CRMP1: variants seen among roughly 807,000 people sequenced by gnomAD.
CRMP1 encodes collapsin response mediator protein 1.
CRMP1 carries 19 observed loss-of-function variants against 68.3 expected under a neutral mutation model. The observed-to-expected ratio is 0.28, with a 90% confidence interval of 0.19 to 0.41. CRMP1 has a LOEUF of 0.41. Ranked by LOEUF, CRMP1 falls within the 10% of genes least tolerant of loss-of-function variation. The pLI is 1.00. For missense variants in CRMP1, 791 were observed against 967.4 expected (o/e 0.82, Z 2.42); for synonymous variants, 439 against 399.6 (o/e 1.10, Z -1.18).
At chr4:5,856,363 C>A in intron 3 of CRMP1, 56 bp from the exon 4 acceptor site, 1 of 1,529,034 alleles carries the variant, frequency 6.5e-7, no homozygotes. Flanking sequence ...CCAATGGTAG[C>A]CACATCATTA....
At chr4:5,884,378 AAC>A (rs957504772) in intron 1 of CRMP1, among the ~76,000 whole-genome samples, 1 of 151,444 alleles carries the variant, frequency 6.6e-6, no homozygotes, top group African/African-American at 2.4e-5. Context: ...TGTTTAATCA[AAC>A]ACACACACAC....
In CRMP1 at chr4:5,889,246, C is replaced by G. The variant is rs531913530; in HGVS notation, c.381+3343G>C. Among the ~76,000 whole-genome samples, 1 of 152,306 alleles carries G rather than the reference C, an allele frequency of 6.6e-6. No homozygotes were observed. Among genetic ancestry groups the G allele is most frequent in the East Asian group, 1.9e-4 (1 of 5,174 alleles). On this transcript the variant is annotated intron_variant, in intron 1 of 13. Coordinates refer to ENST00000324989, the MANE Select transcript of CRMP1 (RefSeq NM_001014809.3). The surrounding 1 kb of genome is among the most constrained non-coding windows in gnomAD (Gnocchi z 4.5). ...CCTTAATTAATGCTGACCTGTTCTACTCCAACAGCAGCTCCCTCATCACAC... is the reference window on the plus strand; with the variant it reads ...CCTTAATTAATGCTGACCTGTTCTAGTCCAACAGCAGCTCCCTCATCACAC...
chr4:5,839,574 G>A lies in CRMP1; in HGVS notation c.1258C>T (p.Pro420Ser). The change falls in exon 9 of 14, where the codon CCC becomes TCC. Residue 420 changes from proline (P) to serine (S), a missense_variant. Pro to Ser is a moderately conservative substitution (Grantham distance 74). Coordinates refer to ENST00000324989, the MANE Select transcript of CRMP1 (RefSeq NM_001014809.3). The part of the protein sequence containing the change: ...AKAAAFVTSP[P>S]LSPDPTTPDY... ...GGCGTGGTAGGGTCCGGGCTCAGGG[G>A]AGGGGAAGTCACGAACGCCGCAGCC... 1 of 1,612,748 alleles carries A rather than the reference G, an allele frequency of 6.2e-7. No homozygotes were observed. Among genetic ancestry groups the A allele is most frequent in the Non-Finnish European group, 8.5e-7 (1 of 1,179,486 alleles).
In CRMP1 at chr4:5,821,455, G is replaced by GAGTT; in HGVS notation, c.*301_*304dup. 1 of 387,652 alleles carries GAGTT rather than the reference G, an allele frequency of 2.6e-6. No homozygotes were observed. The highest frequency in any genetic ancestry group is 4.7e-6 in the Non-Finnish European group (1 of 211,050). The allele number at this position is 387,652 out of a possible 1,614,324, so 24.0% of individuals were successfully genotyped here. On this transcript the variant is annotated 3_prime_UTR_variant, in exon 14 of 14. Transcript: ENST00000324989. The surrounding 1 kb of genome is among the most constrained non-coding windows in gnomAD (Gnocchi z 4.4). Reference sequence around the variant, plus strand: ...CACTCAGAGAATCATGGAGCCAGTGGAGTTAGAAGTGGAAGGGACAGAACA... The same window carrying GAGTT: ...CACTCAGAGAATCATGGAGCCAGTGGAGTTAGTTAGAAGTGGAAGGGACAGAACA...
intron 1 of CRMP1, among the ~76,000 whole-genome samples, chr4:5,876,293 T>C (rs534973254): frequency 6.6e-6 from 1 of 152,204 alleles, no homozygotes; most frequent in South Asian, 2.1e-4. Flanking sequence ...CTACTTCCAA[T>C]ACTTAATTCT....
chr4:5,866,344 A>G lies in CRMP1; in HGVS notation c.470+324T>C, dbSNP rs1714000330. On this transcript the variant is annotated intron_variant, in intron 2 of 13. Transcript: ENST00000324989. This position sits in a 1 kb window ranked among gnomAD's most constrained non-coding sequence, Gnocchi z 5.9. ...CTAACTCACCCCGTCATATGGGGCC[A>G]GGTACCCAGACTCATTGGCCTGCCG... Among the ~76,000 whole-genome samples, 1 of 152,224 alleles carries G rather than the reference A, an allele frequency of 6.6e-6. No homozygotes were observed. The highest frequency in any genetic ancestry group is 6.5e-5 in the Admixed American group (1 of 15,292).
In CRMP1 at chr4:5,825,802, C is replaced by A; in HGVS notation, c.1804-143G>T. ...CACACACACACACAACACGCACACA[C>A]GACAGGTGCACTTCACACACATGCA... On this transcript the variant is annotated intron_variant, in intron 12 of 13. Transcript: ENST00000324989. The surrounding 1 kb of genome is among the most constrained non-coding windows in gnomAD (Gnocchi z 4.4). The A allele has an allele frequency of 1.3e-6, 1 of 754,272 alleles. No homozygotes were observed. Among genetic ancestry groups the A allele is most frequent in the Non-Finnish European group, 2.1e-6 (1 of 465,368 alleles). 46.7% of individuals were successfully genotyped at this position (754,272 alleles called of 1,614,324 possible). A position where few individuals can be genotyped will look rare whatever the true frequency, so the allele number is the denominator to read the frequency against.
At chr4:5,827,837 T>C (rs1719928062) in intron 12 of CRMP1, among the ~76,000 whole-genome samples, 1 of 152,116 alleles carries the variant, frequency 6.6e-6, no homozygotes, top group South Asian at 2.1e-4. Flanking sequence ...CTGGGGAAGA[T>C]GTTGGCCACG....
intron 11 of CRMP1, among the ~76,000 whole-genome samples, chr4:5,829,670 C>T (rs1003365839): frequency 1.3e-5 from 2 of 152,170 alleles, no homozygotes; most frequent in Non-Finnish European, 2.9e-5. Flanking sequence ...TCTACACAGA[C>T]ATTTCTCAGC....
chr4:5,828,315 C>T, intron 12 of CRMP1, 174 bp downstream of exon 12: 1 of 985,074 alleles, frequency 1.0e-6, no homozygotes, highest in Non-Finnish European at 1.2e-6. Flanking sequence ...GATGCTCACT[C>T]CTGTCCTCAG....
intron 11 of CRMP1, among the ~76,000 whole-genome samples, chr4:5,831,495 C>T (rs1036573195): frequency 3.3e-5 from 5 of 152,110 alleles, no homozygotes; most frequent in African/African-American, 1.2e-4. Flanking sequence ...ATTTGCTAAC[C>T]TAATTCTCCC....
intron 12 of CRMP1, chr4:5,828,246 C>G: frequency 2.0e-6 from 2 of 985,408 alleles, no homozygotes; most frequent in South Asian, 4.7e-5. Flanking sequence ...TCCACCCACC[C>G]TCACGGGTGC....
chr4:5,849,585 C>T (rs1467274401), intron 5 of CRMP1, 113 bp from the exon 6 acceptor site: 2 of 665,142 alleles, frequency 3.0e-6, no homozygotes, highest in Admixed American at 2.6e-5. Flanking sequence ...CACCTGCCAG[C>T]CTCTGCAAAC....
chr4:5,831,047 C>A (rs1720348319), intron 11 of CRMP1, among the ~76,000 whole-genome samples: 2 of 152,174 alleles, frequency 1.3e-5, no homozygotes, highest in Admixed American at 1.3e-4. Context: ...GTCCTGGGCT[C>A]AAGCAATCCT....
At chr4:5,826,691 G>T (rs952229047) in intron 12 of CRMP1, 1 of 152,318 alleles carries the variant, frequency 6.6e-6, no homozygotes, top group Non-Finnish European at 1.5e-5. Flanking sequence ...TCAGGGACCT[G>T]TACAGGGTCC....
In CRMP1 at chr4:5,881,948, T is replaced by C. The variant is rs11735101; in HGVS notation, c.381+10641A>G. Among the ~76,000 whole-genome samples the C allele has an allele frequency of 4.6e-3, 705 of 152,296 alleles. 5 individuals are homozygous for C. Among genetic ancestry groups the C allele is most frequent in the Non-Finnish European group, 7.4e-3 (500 of 68,022 alleles). On this transcript the variant is annotated intron_variant, in intron 1 of 13. Transcript: ENST00000324989. This position sits in a 1 kb window ranked among gnomAD's most constrained non-coding sequence, Gnocchi z 4.6. ...CACCCTCATTCCAATCTATTCCTTA[T>C]TGTCCATTGAGACACCTCAATTTCG...
At position 5,843,891 on chromosome 4, in the gene CRMP1, G is replaced by A. The variant is rs1351994423; in HGVS notation, c.964-730C>T. 2.0e-5 allele frequency among the ~76,000 whole-genome samples: 3 copies of A among 151,964 alleles called. No individual in the cohort carries two copies. Among genetic ancestry groups the A allele is most frequent in the Non-Finnish European group, 2.9e-5 (2 of 67,990 alleles). ...TCATATAACCTTGAAATGGTTCCCTGGGCTGATGGCCTAGATTCAAATCCA... is the reference window on the plus strand; with the variant it reads ...TCATATAACCTTGAAATGGTTCCCTAGGCTGATGGCCTAGATTCAAATCCA... On this transcript the variant is annotated intron_variant, in intron 6 of 13. Transcript: ENST00000324989. The surrounding 1 kb of genome is among the most constrained non-coding windows in gnomAD (Gnocchi z 4.1).
rs890515989 is a variant in CRMP1, at chr4:5,881,875, T to C, written c.381+10714A>G. 6.6e-6 allele frequency among the ~76,000 whole-genome samples: 1 copy of C among 152,194 alleles called. No individual in the cohort carries two copies. Among genetic ancestry groups the C allele is most frequent in the South Asian group, 2.1e-4 (1 of 4,830 alleles). On this transcript the variant is annotated intron_variant, in intron 1 of 13. Transcript: ENST00000324989. The surrounding 1 kb of genome is among the most constrained non-coding windows in gnomAD (Gnocchi z 4.6). ...CTTGCATTTTTCTGTCTTCTACCAA[T>C]ACCTTTTGTACATGGGCCCCTAATA...
chr4:5,888,604 T>G lies in CRMP1; in HGVS notation c.381+3985A>C, dbSNP rs1715777935. ...CTCTCGGCTCGAACCAGGAAGCGCT[T>G]CCCTTCCGATCTCCCACCCCGCCCC... is the stretch of plus-strand genomic sequence containing the variant. On this transcript the variant is annotated intron_variant, in intron 1 of 13. Coordinates refer to ENST00000324989, the MANE Select transcript of CRMP1 (RefSeq NM_001014809.3). This position sits in a 1 kb window ranked among gnomAD's most constrained non-coding sequence, Gnocchi z 6.4. 3 of 1,026,846 alleles carry G rather than the reference T, an allele frequency of 2.9e-6. No individual in the cohort carries two copies. Among genetic ancestry groups the G allele is most frequent in the African/African-American group, 1.7e-5 (1 of 58,048 alleles). The allele number at this position is 1,026,846 out of a possible 1,614,324, so 63.6% of individuals were successfully genotyped here. A position where few individuals can be genotyped will look rare whatever the true frequency, so the allele number is the denominator to read the frequency against.
Sources: gnomAD v4.1 joint callset for allele counts (sites outside exome capture counted in the v4.1 genomes callset) on GRCh38, gnomAD v4.1.1 for gene constraint, Gnocchi (gnomAD v3.1) non-coding constraint, MANE v1.5 for transcripts, NCBI Gene and HGNC (gene_info 2026-07-23, HGNC 2026-07-21) for gene names.